Variants in SNX4 observed in about 807,000 individuals in gnomAD.
SNX4 encodes the protein sorting nexin 4.
Under a neutral mutation model 70.8 loss-of-function variants are expected in SNX4, and 49 were observed. The ratio of observed to expected loss-of-function variants is 0.69; its 90% CI spans 0.55 to 0.88. SNX4 has a LOEUF of 0.88. SNX4 is among the 40% of genes least tolerant of loss of function. SNX4 has a pLI of 0.00. For missense variants in SNX4, 528 were observed against 544.8 expected (o/e 0.97, Z 0.31); for synonymous variants, 206 against 183.8 (o/e 1.12, Z -0.98).
intron 13 of SNX4, among the ~76,000 whole-genome samples, chr3:125,448,570 A>G (rs1426039607): frequency 6.6e-6 from 1 of 151,740 alleles, no homozygotes; most frequent in Non-Finnish European, 1.5e-5. Flanking sequence ...AATCCCTCTT[A>G]GTACCTGAAG....
At chr3:125,499,452 T>C (rs1427109024) in intron 2 of SNX4, among the ~76,000 whole-genome samples, 1 of 152,178 alleles carries the variant, frequency 6.6e-6, no homozygotes, top group Non-Finnish European at 1.5e-5. Context: ...AGTTTGCTAC[T>C]AAATTTATTC....
chr3:125,463,933 GC>G (rs1933943820), intron 9 of SNX4, among the ~76,000 whole-genome samples: 2 of 152,226 alleles, frequency 1.3e-5, no homozygotes. Context: ...TAAAGGCCTG[GC>G]GGGGTGGCTC....
At chr3:125,459,676 T>C (rs906574163) in intron 10 of SNX4, among the ~76,000 whole-genome samples, 2 of 151,928 alleles carry the variant, frequency 1.3e-5, no homozygotes, top group African/African-American at 4.8e-5. Context: ...TGGCCTCAGG[T>C]GATCCATCCG....
intron 11 of SNX4, among the ~76,000 whole-genome samples, chr3:125,456,850 C>T (rs190783086): frequency 5.2e-4 from 79 of 152,036 alleles, no homozygotes; most frequent in Non-Finnish European, 6.6e-4. Context: ...TAGTAGAGAT[C>T]GGGTTTCACC....
chr3:125,462,450 C>T (rs569648774), intron 9 of SNX4, among the ~76,000 whole-genome samples: 3 of 151,986 alleles, frequency 2.0e-5, no homozygotes, highest in Admixed American at 6.6e-5. Flanking sequence ...ATTAGCTGGA[C>T]ATGGTAGTGC....
At chr3:125,519,337 T>C (rs1341209286) in intron 1 of SNX4, among the ~76,000 whole-genome samples, 1 of 152,128 alleles carries the variant, frequency 6.6e-6, no homozygotes. Context: ...AAATCACTAA[T>C]TACTAAAGGG....
chr3:125,514,376 G>T, intron 1 of SNX4, among the ~76,000 whole-genome samples: 1 of 147,422 alleles, frequency 6.8e-6, no homozygotes, highest in African/African-American at 2.5e-5. Context: ...AATTTGGTGG[G>T]TTGTGACCAA....
intron 5 of SNX4, among the ~76,000 whole-genome samples, chr3:125,491,915 T>C (rs1429548408): frequency 1.3e-5 from 2 of 151,932 alleles, no homozygotes; most frequent in Non-Finnish European, 2.9e-5. Context: ...TAAACCAGCC[T>C]GGCCAATATG....
chr3:125,499,591 A>T (rs1422107774), intron 2 of SNX4, among the ~76,000 whole-genome samples: 5 of 152,152 alleles, frequency 3.3e-5, no homozygotes, highest in Non-Finnish European at 7.3e-5. Context: ...GTTATAACTA[A>T]TACTATCCCA....
intron 2 of SNX4, among the ~76,000 whole-genome samples, chr3:125,501,385 C>T (rs1231238330): frequency 6.6e-6 from 1 of 152,084 alleles, no homozygotes; most frequent in East Asian, 1.9e-4. Context: ...GGGAGGAGGC[C>T]AAGGCAGGCA....
chr3:125,500,838 T>C (rs1934913258), intron 2 of SNX4, among the ~76,000 whole-genome samples: 1 of 146,306 alleles, frequency 6.8e-6, no homozygotes, highest in Admixed American at 6.8e-5. Flanking sequence ...GAATTTACTT[T>C]GGAAGCTAGA....
Position 125,497,854 on chromosome 3 carries a change from A to T in SNX4, c.529T>A (p.Phe177Ile), listed in dbSNP as rs1295847289. The T allele has an allele frequency of 6.2e-7, 1 of 1,606,682 alleles. No homozygotes were observed. Among genetic ancestry groups the T allele is most frequent in the Admixed American group, 1.7e-5 (1 of 57,708 alleles). The change falls in exon 4 of 14, where the codon TTC (phenylalanine) becomes ATC (isoleucine). Residue 177 changes from phenylalanine (F) to isoleucine (I), a missense_variant. Coordinates refer to ENST00000251775, the MANE Select transcript of SNX4 (RefSeq NM_003794.4). ...SHPILCRDKI[F>I]YLFLTQEGNW... ...AATACCTGTGTTAAAAACAGATAGA[A>T]GATTTTGTCTCTACAAAGGATGGGA... is the stretch of plus-strand genomic sequence containing the variant.
chr3:125,467,692 C>T (rs1049286191), intron 9 of SNX4, among the ~76,000 whole-genome samples: 4 of 152,030 alleles, frequency 2.6e-5, no homozygotes, highest in African/African-American at 4.8e-5. Flanking sequence ...GGATTACAGG[C>T]GTGAGCCACT....
At position 125,452,657 on chromosome 3, in the gene SNX4, G is replaced by A. The variant is rs1579970085; in HGVS notation, c.1190+1153C>T. Among the ~76,000 whole-genome samples the A allele has an allele frequency of 3.9e-5, 6 of 152,144 alleles. No individual in the cohort carries two copies. In the South Asian group the frequency reaches 1.2e-3, roughly 32 times the overall value. ...TTTGGAGACAGAGTTTCACTCTGTC[G>A]CCCAGGCTAGAGTGCAGTGGCGTGA... On this transcript the variant is annotated intron_variant, in intron 12 of 13. Transcript: ENST00000251775.
At chr3:125,461,038 C>T (rs201978949) in intron 9 of SNX4, among the ~76,000 whole-genome samples, 178 bp from the exon 10 acceptor site, 1 of 152,120 alleles carries the variant, frequency 6.6e-6, no homozygotes, top group Non-Finnish European at 1.5e-5. Context: ...CCAGCCTGGC[C>T]AACGTGGTGA....
chr3:125,472,843 C>A lies in SNX4; in HGVS notation c.789-3324G>T, dbSNP rs146103558. Among the ~76,000 whole-genome samples, 682 of 152,174 alleles carry A rather than the reference C, an allele frequency of 4.5e-3. 7 individuals are homozygous for A. The highest frequency in any genetic ancestry group is 0.016 in the African/African-American group (647 of 41,492). Reference sequence around the variant, plus strand: ...GATACCTACTTCACGGTGCCTTCTACAACTCACCTCTCCCCTGCCTTAAGA... The same window carrying A: ...GATACCTACTTCACGGTGCCTTCTAAAACTCACCTCTCCCCTGCCTTAAGA... On this transcript the variant is annotated intron_variant, in intron 8 of 13. Transcript: ENST00000251775.
At chr3:125,505,809 C>T (rs1214442482) in intron 1 of SNX4, among the ~76,000 whole-genome samples, 1 of 152,134 alleles carries the variant, frequency 6.6e-6, no homozygotes. Flanking sequence ...AAAACTTGGA[C>T]CTTCAGCCAG....
intron 8 of SNX4, among the ~76,000 whole-genome samples, chr3:125,471,344 CAA>C (rs767432586): frequency 0.014 from 393 of 28,050 alleles, no homozygotes; most frequent in African/African-American, 0.067. Context: ...AGCTCCATCT[CAA>C]AAAAAAAAAA....
intron 9 of SNX4, among the ~76,000 whole-genome samples, chr3:125,464,303 A>G (rs1933953327): frequency 6.6e-6 from 1 of 152,148 alleles, no homozygotes; most frequent in Non-Finnish European, 1.5e-5. Context: ...AATTTGATGA[A>G]GACCAATTTG....
Sources: gnomAD v4.1 joint callset for allele counts (sites outside exome capture counted in the v4.1 genomes callset) on GRCh38, gnomAD v4.1.1 for gene constraint, MANE v1.5 for transcripts, NCBI Gene and HGNC (gene_info 2026-07-23, HGNC 2026-07-21) for gene names.